GPC5: variants seen among roughly 807,000 people sequenced by gnomAD.
GPC5 encodes glypican 5.
A neutral mutation model predicts 53.9 loss-of-function variants in GPC5; 47 were observed. The observed-to-expected ratio is 0.87, with a 90% CI of 0.69 to 1.11. The LOEUF (loss-of-function observed/expected upper bound fraction) is 1.11, where lower values mean the gene tolerates loss of function less well. Ranked by LOEUF, GPC5 falls within the 50% of genes most tolerant of loss-of-function variation. GPC5 has a pLI of 0.00. For missense variants in GPC5, 748 were observed against 713.1 expected (o/e 1.05, Z -0.56); for synonymous variants, 286 against 263.3 (o/e 1.09, Z -0.84).
intron 7 of GPC5, among the ~76,000 whole-genome samples, chr13:92,830,504 T>G (rs1037149213): frequency 6.6e-6 from 1 of 152,154 alleles, no homozygotes; most frequent in Non-Finnish European, 1.5e-5. Context: ...CACACCAGAA[T>G]TTTTCCTTGC....
At chr13:92,274,724 G>A (rs1333228326) in intron 7 of GPC5, among the ~76,000 whole-genome samples, 4 of 152,094 alleles carry the variant, frequency 2.6e-5, no homozygotes, top group East Asian at 3.9e-4. Context: ...TAACATGGCC[G>A]CTTGCTTCAT....
intron 2 of GPC5, among the ~76,000 whole-genome samples, chr13:91,530,041 T>C (rs1886266242): frequency 6.6e-6 from 1 of 152,200 alleles, no homozygotes; most frequent in Admixed American, 6.5e-5. Flanking sequence ...CACAGCAGCA[T>C]TTCACTGAAA....
intron 5 of GPC5, among the ~76,000 whole-genome samples, chr13:91,797,867 T>C (rs12861865): frequency 0.039 from 5,999 of 152,292 alleles, 185 homozygotes; most frequent in Middle Eastern, 0.099. Flanking sequence ...CACCGTGAGA[T>C]TCATCAGATT....
At chr13:92,295,540 T>G (rs1465022900) in intron 7 of GPC5, among the ~76,000 whole-genome samples, 1 of 152,202 alleles carries the variant, frequency 6.6e-6, no homozygotes, top group Non-Finnish European at 1.5e-5. Flanking sequence ...ACCTGTCTAG[T>G]GCTGTCAGTG....
chr13:91,665,614 T>C (rs972048033), intron 2 of GPC5, among the ~76,000 whole-genome samples: 1 of 152,028 alleles, frequency 6.6e-6, no homozygotes, highest in Non-Finnish European at 1.5e-5. Context: ...GCCATTCTCC[T>C]GCCTCAGCCT....
chr13:92,767,354 C>G (rs1875443071), intron 7 of GPC5, among the ~76,000 whole-genome samples: 1 of 152,016 alleles, frequency 6.6e-6, no homozygotes, highest in Non-Finnish European at 1.5e-5. Context: ...ACCTGTAATC[C>G]CAGCTACTTG....
At chr13:91,435,605 T>G (rs1352242410) in intron 1 of GPC5, among the ~76,000 whole-genome samples, 1 of 152,206 alleles carries the variant, frequency 6.6e-6, no homozygotes, top group Non-Finnish European at 1.5e-5. Context: ...TTATTGAGGA[T>G]TTTTGCATCG....
chr13:91,992,703 A>T (rs536442785), intron 6 of GPC5, among the ~76,000 whole-genome samples: 42 of 151,700 alleles, frequency 2.8e-4, no homozygotes, highest in Non-Finnish European at 5.4e-4. Context: ...TGATCTGCCC[A>T]CCTCATCCTC....
chr13:92,629,731 T>A (rs1885174575), intron 7 of GPC5, among the ~76,000 whole-genome samples: 1 of 152,142 alleles, frequency 6.6e-6, no homozygotes, highest in Non-Finnish European at 1.5e-5. Context: ...AGCCATTAGA[T>A]AAATGACTCC....
At chr13:92,681,866 C>T (rs1887121375) in intron 7 of GPC5, among the ~76,000 whole-genome samples, 1 of 152,288 alleles carries the variant, frequency 6.6e-6, no homozygotes, top group African/African-American at 2.4e-5. Flanking sequence ...CAGTCTTCAC[C>T]TCCCCGTGAG....
chr13:92,442,494 G>T (rs1250485443), intron 7 of GPC5, among the ~76,000 whole-genome samples: 1 of 152,034 alleles, frequency 6.6e-6, no homozygotes, highest in African/African-American at 2.4e-5. Flanking sequence ...GGATGTAAAA[G>T]AAAATACAAG....
intron 5 of GPC5, among the ~76,000 whole-genome samples, chr13:91,800,646 G>A (rs1173435584): frequency 1.3e-5 from 2 of 152,012 alleles, no homozygotes; most frequent in Non-Finnish European, 2.9e-5. Flanking sequence ...GTTAATAGAG[G>A]TTTTTTAAAA....
chr13:91,512,286 T>G (rs1029536904), intron 2 of GPC5, among the ~76,000 whole-genome samples: 2 of 152,222 alleles, frequency 1.3e-5, no homozygotes, highest in African/African-American at 4.8e-5. Flanking sequence ...TTCTTTTACT[T>G]CCTCTGTCCT....
intron 7 of GPC5, among the ~76,000 whole-genome samples, chr13:92,452,034 G>T (rs962701672): frequency 6.6e-5 from 10 of 152,144 alleles, no homozygotes; most frequent in Admixed American, 6.5e-4. Flanking sequence ...AAAAACGGAT[G>T]CAACTTTCTA....
intron 6 of GPC5, among the ~76,000 whole-genome samples, chr13:92,029,901 AC>A (rs1232409784): frequency 6.6e-6 from 1 of 152,138 alleles, no homozygotes; most frequent in African/African-American, 2.4e-5. Flanking sequence ...ACACCCTAAT[AC>A]AGCCTACAGA....
intron 7 of GPC5, among the ~76,000 whole-genome samples, chr13:92,430,246 A>G (rs1013740784): frequency 2.6e-5 from 4 of 152,078 alleles, no homozygotes; most frequent in South Asian, 2.1e-4. Flanking sequence ...AAATGGGGGG[A>G]AAAACACTAA....
At chr13:91,950,803 A>G (rs755811995) in intron 6 of GPC5, among the ~76,000 whole-genome samples, 7 of 152,158 alleles carry the variant, frequency 4.6e-5, no homozygotes, top group Non-Finnish European at 8.8e-5. Flanking sequence ...AATGGTAGCT[A>G]TTATCATCCC....
At chr13:92,567,235 C>G (rs1042471960) in intron 7 of GPC5, among the ~76,000 whole-genome samples, 3 of 152,104 alleles carry the variant, frequency 2.0e-5, no homozygotes, top group African/African-American at 4.8e-5. Context: ...TTGGCATTGT[C>G]TGCTTCAACT....
chr13:91,704,935 T>C (rs372141205), intron 3 of GPC5, among the ~76,000 whole-genome samples: 10 of 152,212 alleles, frequency 6.6e-5, no homozygotes, highest in Admixed American at 5.2e-4. Context: ...TTCTCTTTAA[T>C]AAAACTTTGC....
Sources: allele counts gnomAD v4.1 joint callset (sites outside exome capture counted in the v4.1 genomes callset), GRCh38; gene constraint gnomAD v4.1.1; transcripts MANE v1.5; gene names NCBI Gene and HGNC (gene_info 2026-07-23, HGNC 2026-07-21).